CTNNBIP1: variants seen among roughly 807,000 people sequenced by gnomAD.
The protein encoded by CTNNBIP1 is catenin beta interacting protein 1.
In CTNNBIP1, 7 loss-of-function variants were observed where a neutral mutation model predicts 11.8. That is an observed-to-expected ratio of 0.60 (90% confidence interval 0.34 to 1.12). The LOEUF (loss-of-function observed/expected upper bound fraction) is 1.12. Among genes scored for constraint, CTNNBIP1 ranks in the 50% most tolerant of loss-of-function variants. CTNNBIP1 has a pLI of 0.03. For synonymous variants in CTNNBIP1, 58 were observed against 43.9 expected (o/e 1.32, Z -1.26); for missense variants, 101 against 113.4 (o/e 0.89, Z 0.50).
intron 1 of CTNNBIP1, among the ~76,000 whole-genome samples, chr1:9,884,036 G>C (rs1639135150): frequency 6.6e-6 from 1 of 152,118 alleles, no homozygotes; most frequent in Non-Finnish European, 1.5e-5. Flanking sequence ...GAAGGGGAGA[G>C]TGAGGCAGAG....
At chr1:9,884,250 C>T (rs914922547) in intron 1 of CTNNBIP1, among the ~76,000 whole-genome samples, 1 of 152,228 alleles carries the variant, frequency 6.6e-6, no homozygotes, top group East Asian at 1.9e-4. Flanking sequence ...GGCACACTCC[C>T]CAGCCCACAG....
chr1:9,850,674 T>G lies in CTNNBIP1; in HGVS notation c.*44A>C, dbSNP rs1032382780. ...AGCCGGCCCAGGAGCCACACAGATC[T>G]CTTGGCCCTCAACAGCATCCAGGGT... is the stretch of plus-strand genomic sequence containing the variant. On this transcript the variant is annotated 3_prime_UTR_variant, in exon 6 of 6. Coordinates refer to ENST00000377263, the MANE Select transcript of CTNNBIP1 (RefSeq NM_020248.3). 8 of 1,587,674 alleles carry G rather than the reference T, an allele frequency of 5.0e-6. No homozygotes were observed. Among genetic ancestry groups the G allele is most frequent in the Non-Finnish European group, 6.9e-6 (8 of 1,156,222 alleles).
chr1:9,868,837 T>C (rs1436756022), intron 5 of CTNNBIP1, among the ~76,000 whole-genome samples: 1 of 152,240 alleles, frequency 6.6e-6, no homozygotes, highest in Non-Finnish European at 1.5e-5. Context: ...GATGTTGCCA[T>C]GTTGGCCAGG....
intron 1 of CTNNBIP1, among the ~76,000 whole-genome samples, chr1:9,894,047 T>C (rs536266709): frequency 6.6e-6 from 1 of 152,334 alleles, no homozygotes; most frequent in African/African-American, 2.4e-5. Flanking sequence ...TGGAACAAAG[T>C]TGTTTTTTTT....
chr1:9,850,525 T>A lies in CTNNBIP1; in HGVS notation c.*193A>T. ...TCACAAGTCCATCCCTTTAAGCCAA[T>A]TATAAACGCACCACTGGTGTCTCCC... On this transcript the variant is annotated 3_prime_UTR_variant, in exon 6 of 6. Transcript: ENST00000377263. 1 of 581,286 alleles carries A rather than the reference T, an allele frequency of 1.7e-6. No homozygotes were observed. Among genetic ancestry groups the A allele is most frequent in the South Asian group, 2.2e-5 (1 of 44,982 alleles). The allele number at this position is 581,286 out of a possible 1,614,324, so 36.0% of individuals were successfully genotyped here.
intron 1 of CTNNBIP1, among the ~76,000 whole-genome samples, chr1:9,896,398 G>T (rs1266741598): frequency 6.6e-6 from 1 of 152,176 alleles, no homozygotes; most frequent in African/African-American, 2.4e-5. Context: ...AAGAAAATAT[G>T]AAATGAAACC....
At chr1:9,897,219 C>T (rs1475763948) in intron 1 of CTNNBIP1, among the ~76,000 whole-genome samples, 2 of 152,030 alleles carry the variant, frequency 1.3e-5, no homozygotes, top group Admixed American at 6.5e-5. Flanking sequence ...CTTTGGGAGG[C>T]CGAGGCGGGC....
intron 5 of CTNNBIP1, among the ~76,000 whole-genome samples, chr1:9,866,321 T>C (rs1255085209): frequency 6.6e-6 from 1 of 152,146 alleles, no homozygotes; most frequent in Non-Finnish European, 1.5e-5. Context: ...CCCTTTACAG[T>C]GTGAGGTCAG....
rs754179973 is a variant in CTNNBIP1, at chr1:9,850,710, C to T, written c.*8G>A. 3 of 1,613,636 alleles carry T rather than the reference C, an allele frequency of 1.9e-6. No homozygotes were observed. Among genetic ancestry groups the T allele is most frequent in the East Asian group, 2.2e-5 (1 of 44,896 alleles). The stretch of plus-strand genomic sequence containing the variant: ...AACAGCATCCAGGGTGTTCCAAGGG[C>T]TTTGCAGCTACTGCCTCCGGTCTTC... On this transcript the variant is annotated 3_prime_UTR_variant, in exon 6 of 6. Coordinates refer to ENST00000377263, the MANE Select transcript of CTNNBIP1 (RefSeq NM_020248.3).
intron 5 of CTNNBIP1, among the ~76,000 whole-genome samples, chr1:9,856,035 C>G (rs1033632395): frequency 1.3e-5 from 2 of 152,040 alleles, no homozygotes; most frequent in African/African-American, 4.8e-5. Context: ...GTAGTCCCAG[C>G]TACTCGGGAA....
At chr1:9,896,671 A>T (rs1193258789) in intron 1 of CTNNBIP1, among the ~76,000 whole-genome samples, 1 of 151,992 alleles carries the variant, frequency 6.6e-6, no homozygotes, top group African/African-American at 2.4e-5. Context: ...CGTCTCTACT[A>T]AAAAATACAA....
intron 5 of CTNNBIP1, among the ~76,000 whole-genome samples, chr1:9,864,442 C>T (rs1570566532): frequency 1.3e-5 from 2 of 152,370 alleles, no homozygotes; most frequent in South Asian, 4.1e-4. Context: ...CATTCTCCTG[C>T]CTCAGCCTCC....
At chr1:9,873,152 C>T (rs1638900072) in intron 3 of CTNNBIP1, among the ~76,000 whole-genome samples, 1 of 152,170 alleles carries the variant, frequency 6.6e-6, no homozygotes, top group African/African-American at 2.4e-5. Flanking sequence ...TTGTCAACTG[C>T]TCATTCCCCA....
chr1:9,875,880 G>A (rs1638958838), intron 3 of CTNNBIP1, among the ~76,000 whole-genome samples: 1 of 152,194 alleles, frequency 6.6e-6, no homozygotes, highest in Non-Finnish European at 1.5e-5. Flanking sequence ...TCAGTGTGGA[G>A]CAAACTCATA....
intron 3 of CTNNBIP1, among the ~76,000 whole-genome samples, chr1:9,873,433 C>T (rs1247519655): frequency 6.6e-6 from 1 of 152,150 alleles, no homozygotes; most frequent in East Asian, 1.9e-4. Flanking sequence ...TGCGTCCCAG[C>T]ATGGGGAAGG....
rs893774025 is a variant in CTNNBIP1, at chr1:9,910,165, G to A, written c.-214C>T. The A allele has an allele frequency of 6.8e-6, 1 of 147,100 alleles. No homozygotes were observed. The highest frequency in any genetic ancestry group is 2.4e-5 in the African/African-American group (1 of 40,954). The allele number at this position is 147,100 out of a possible 1,614,324, so 9.1% of individuals were successfully genotyped here. ...CGCGCAGCGCGCGGCGGCCTGTTCC[G>A]GGGCGTGCTCAGCCCGAGCAGCCGC... is the stretch of plus-strand genomic sequence containing the variant. On this transcript the variant is annotated 5_prime_UTR_variant, in exon 1 of 6. Transcript: ENST00000377263.
chr1:9,891,767 C>T (rs1639304990), intron 1 of CTNNBIP1, among the ~76,000 whole-genome samples: 1 of 151,060 alleles, frequency 6.6e-6, no homozygotes, highest in African/African-American at 2.4e-5. Context: ...TAAAGTAAGA[C>T]CCCATCTCTT....
At chr1:9,860,482 T>C (rs1231761350) in intron 5 of CTNNBIP1, among the ~76,000 whole-genome samples, 1 of 144,206 alleles carries the variant, frequency 6.9e-6, no homozygotes, top group Non-Finnish European at 1.5e-5. Flanking sequence ...TAGTGGCATA[T>C]GCCTGTAGTC....
intron 5 of CTNNBIP1, among the ~76,000 whole-genome samples, chr1:9,852,140 G>C (rs1638402869): frequency 6.6e-6 from 1 of 152,138 alleles, no homozygotes; most frequent in African/African-American, 2.4e-5. Flanking sequence ...GTGAAATGGA[G>C]TCAGCAGAGT....
Sources: gnomAD v4.1 joint callset for allele counts (sites outside exome capture counted in the v4.1 genomes callset) on GRCh38, gnomAD v4.1.1 for gene constraint, MANE v1.5 for transcripts, NCBI Gene and HGNC (gene_info 2026-07-23, HGNC 2026-07-21) for gene names.